The following INVS variants were observed in gnomAD, a reference collection of about 807,000 sequenced individuals.
INVS encodes the protein inversin.
A neutral mutation model predicts 108.8 loss-of-function variants in INVS; 86 were observed. The observed-to-expected ratio is 0.79, with a 90% CI of 0.66 to 0.95. The LOEUF is 0.95. INVS is among the 40% of genes least tolerant of loss of function. The probability of loss-of-function intolerance (pLI) is 0.00; values close to 1 mark genes in which losing one functional copy is unlikely to be tolerated. For missense variants in INVS, 1,169 were observed against 1,297.4 expected (o/e 0.90, Z 1.52); for synonymous variants, 455 against 473.5 (o/e 0.96, Z 0.51).
chr9:100,144,220 G>A (rs1828529777), intron 3 of INVS, among the ~76,000 whole-genome samples: 1 of 152,200 alleles, frequency 6.6e-6, no homozygotes, highest in Non-Finnish European at 1.5e-5. Flanking sequence ...GTGTTTGGAA[G>A]TTCTTGTGTG....
At chr9:100,118,011 C>G (rs1827600707) in intron 2 of INVS, among the ~76,000 whole-genome samples, 1 of 152,064 alleles carries the variant, frequency 6.6e-6, no homozygotes, top group Non-Finnish European at 1.5e-5. Context: ...AGACTTCTAG[C>G]CTCCAGAACT....
chr9:100,174,139 T>C (rs1829633718), intron 3 of INVS, among the ~76,000 whole-genome samples: 1 of 152,206 alleles, frequency 6.6e-6, no homozygotes, highest in Non-Finnish European at 1.5e-5. Flanking sequence ...ACAACTATCT[T>C]TGTTGTTCCA....
intron 2 of INVS, chr9:100,117,205 G>C: frequency 1.0e-6 from 1 of 996,070 alleles, no homozygotes; most frequent in Non-Finnish European, 1.5e-6. Flanking sequence ...CTTCCTTGGA[G>C]CACTTAACAC....
chr9:100,137,022 A>G (rs1439703548), intron 3 of INVS, among the ~76,000 whole-genome samples: 4 of 152,198 alleles, frequency 2.6e-5, no homozygotes, highest in Non-Finnish European at 5.9e-5. Flanking sequence ...CCTGGTCAGC[A>G]GAGGGAGACT....
chr9:100,154,087 A>T (rs1828890056), intron 3 of INVS, among the ~76,000 whole-genome samples: 1 of 152,198 alleles, frequency 6.6e-6, no homozygotes, highest in Admixed American at 6.5e-5. Flanking sequence ...TGTGGTAAAA[A>T]CAAGAAATGT....
chr9:100,105,850 CTTTTTTTTTT>C (rs543070811), intron 2 of INVS, among the ~76,000 whole-genome samples: 4 of 63,800 alleles, frequency 6.3e-5, no homozygotes, highest in East Asian at 1.5e-3. Context: ...GAAAAATTCC[CTTTTTTTTTT>C]TTTTTTTTTT....
At chr9:100,217,168 G>GC (rs1831015790) in intron 3 of INVS, among the ~76,000 whole-genome samples, 1 of 152,082 alleles carries the variant, frequency 6.6e-6, no homozygotes, top group Non-Finnish European at 1.5e-5. Context: ...AATTAGCCAG[G>GC]CATGGGGGCA....
At chr9:100,176,554 G>T (rs1011374712) in intron 3 of INVS, among the ~76,000 whole-genome samples, 1 of 152,046 alleles carries the variant, frequency 6.6e-6, no homozygotes, top group Non-Finnish European at 1.5e-5. Flanking sequence ...TCAGCTCACT[G>T]CAGCCTCCAC....
intron 3 of INVS, among the ~76,000 whole-genome samples, chr9:100,174,891 G>A (rs978611523): frequency 2.6e-5 from 4 of 152,038 alleles, no homozygotes; most frequent in East Asian, 1.9e-4. Flanking sequence ...CAGCCTGGGC[G>A]ACAGAGTGAG....
chr9:100,144,429 C>A (rs935994712), intron 3 of INVS, among the ~76,000 whole-genome samples: 1 of 152,036 alleles, frequency 6.6e-6, no homozygotes, highest in Non-Finnish European at 1.5e-5. Context: ...GGCCTTTTGA[C>A]CTTTTAGGGT....
At chr9:100,155,467 G>A (rs1030393586) in intron 3 of INVS, among the ~76,000 whole-genome samples, 1 of 152,086 alleles carries the variant, frequency 6.6e-6, no homozygotes, top group Non-Finnish European at 1.5e-5. Flanking sequence ...CTCCCTAGTA[G>A]CTGGGATTAC....
rs186881986 is a variant in INVS, at chr9:100,203,785, C to G, written c.274-22277C>G. ...CCCAAAGTGCTGGGCACGCCCAGCCCCAAATCTTCTTTCTTAAAGTAATAT... is the reference window on the plus strand; with the variant it reads ...CCCAAAGTGCTGGGCACGCCCAGCCGCAAATCTTCTTTCTTAAAGTAATAT... On this transcript the variant is annotated intron_variant, in intron 3 of 16. Coordinates refer to ENST00000262457, the MANE Select transcript of INVS (RefSeq NM_014425.5). Among the ~76,000 whole-genome samples the G allele has an allele frequency of 2.6e-3, 397 of 151,948 alleles. 4 individuals carry two copies. The highest frequency in any genetic ancestry group is 9.2e-3 in the African/African-American group (383 of 41,484).
rs1419985567 is a variant in INVS, at chr9:100,301,192, C to A, written c.*518C>A. ...ACACACACACACATATCACGTCCCA[C>A]TATTACTTCAAAATTAATCAGGTTT... On this transcript the variant is annotated 3_prime_UTR_variant, in exon 17 of 17. Coordinates refer to ENST00000262457, the MANE Select transcript of INVS (RefSeq NM_014425.5). 6.6e-6 allele frequency among the ~76,000 whole-genome samples: 1 copy of A among 150,814 alleles called. No homozygotes were observed. Among genetic ancestry groups the A allele is most frequent in the South Asian group, 2.1e-4 (1 of 4,770 alleles).
At chr9:100,143,428 G>A (rs1357469514) in intron 3 of INVS, among the ~76,000 whole-genome samples, 3 of 152,092 alleles carry the variant, frequency 2.0e-5, no homozygotes, top group Non-Finnish European at 4.4e-5. Context: ...AGCGTGCTGT[G>A]GGATGGGATA....
At chr9:100,248,578 A>G (rs1832121060) in intron 8 of INVS, among the ~76,000 whole-genome samples, 2 of 152,186 alleles carry the variant, frequency 1.3e-5, no homozygotes, top group African/African-American at 4.8e-5. Flanking sequence ...TGTTAAAGCC[A>G]TCAGGAAAAT....
chr9:100,183,122 C>T (rs1037226603), intron 3 of INVS, among the ~76,000 whole-genome samples: 15 of 151,946 alleles, frequency 9.9e-5, no homozygotes, highest in African/African-American at 2.7e-4. Context: ...TGGGGCCTGC[C>T]GGGGGATGAG....
chr9:100,134,641 C>T (rs1192530103), intron 3 of INVS, among the ~76,000 whole-genome samples: 1 of 151,216 alleles, frequency 6.6e-6, no homozygotes, highest in Non-Finnish European at 1.5e-5. Flanking sequence ...GCCATTCTTA[C>T]AGGAGTAAGG....
chr9:100,257,969 G>C (rs1173591002), intron 10 of INVS, among the ~76,000 whole-genome samples: 1 of 152,220 alleles, frequency 6.6e-6, no homozygotes, highest in Non-Finnish European at 1.5e-5. Flanking sequence ...TTCTAGGTTG[G>C]GGAAGTTCTC....
At chr9:100,113,860 G>A (rs1827423013) in intron 2 of INVS, among the ~76,000 whole-genome samples, 1 of 152,040 alleles carries the variant, frequency 6.6e-6, no homozygotes. Flanking sequence ...GACATTTCTA[G>A]CATTCTATTT....
Sources: gnomAD v4.1 joint callset for allele counts (sites outside exome capture counted in the v4.1 genomes callset) on GRCh38, gnomAD v4.1.1 for gene constraint, MANE v1.5 for transcripts, NCBI Gene and HGNC (gene_info 2026-07-23, HGNC 2026-07-21) for gene names.